CTC1: variants seen among roughly 807,000 people sequenced by gnomAD.
CTC1 encodes the protein CST telomere replication complex component 1.
CTC1 carries 91 observed loss-of-function variants against 136.3 expected under a neutral mutation model. The observed-to-expected ratio is 0.67, with a 90% CI of 0.56 to 0.79. The LOEUF is 0.79. Ranked by LOEUF, CTC1 falls within the 30% of genes least tolerant of loss-of-function variation. CTC1 has a pLI of 0.00. For synonymous variants in CTC1, 606 were observed against 613.8 expected (o/e 0.99, Z 0.19); for missense variants, 1,432 against 1,498.1 (o/e 0.96, Z 0.73).
rs1162411379 is a variant in CTC1, at chr17:8,226,261, A to C, written c.*1919T>G. 3 of 152,324 alleles carry C rather than the reference A, an allele frequency of 2.0e-5. No individual in the cohort carries two copies. The highest frequency in any genetic ancestry group is 2.9e-5 in the Non-Finnish European group (2 of 68,046). 9.4% of individuals were successfully genotyped at this position (152,324 alleles called of 1,614,324 possible). A position where few individuals can be genotyped will look rare whatever the true frequency, so the allele number is the denominator to read the frequency against. On this transcript the variant is annotated 3_prime_UTR_variant, in exon 23 of 23. Transcript: ENST00000651323. ...GGCACCGCTGGGATTCGAACCCAGGATCTCCTGTTTACTAGACAGGCGCTT... is the reference window on the plus strand; with the variant it reads ...GGCACCGCTGGGATTCGAACCCAGGCTCTCCTGTTTACTAGACAGGCGCTT...
intron 4 of CTC1, 121 bp downstream of exon 4, chr17:8,237,910 C>A: frequency 1.3e-6 from 1 of 785,926 alleles, no homozygotes; most frequent in East Asian, 2.6e-5. Context: ...CCCACCATTC[C>A]CTTGATTTGG....
In CTC1 at chr17:8,235,145, C is replaced by T. The variant is rs1294884805; in HGVS notation, c.1347G>A (p.Gly449=). The T allele has an allele frequency of 1.2e-6, 2 of 1,614,102 alleles. No individual in the cohort carries two copies. The highest frequency in any genetic ancestry group is 2.2e-5 in the South Asian group (2 of 91,078). The change falls in exon 8 of 23, where the codon GGG becomes GGA. Residue 449 remains glycine (G), a synonymous_variant. Coordinates refer to ENST00000651323, the MANE Select transcript of CTC1 (RefSeq NM_025099.6). ...PGAHSSRQAY[G]ASLYEQLVWE... ...ACACCAGCTGCTCGTACAGGGAGGC[C>T]CCGTAGGCTTGACGGGATGAGTGAG... is the stretch of plus-strand genomic sequence containing the variant.
rs199698527 is a variant in CTC1, at chr17:8,234,802, G to A, written c.1564C>T (p.Arg522Trp). The A allele has an allele frequency of 1.1e-4, 184 of 1,611,994 alleles. No homozygotes were observed. The highest frequency in any genetic ancestry group is 9.7e-4 in the African/African-American group (73 of 74,948). The change falls in exon 9 of 23, where the codon CGG becomes TGG. Residue 522 changes from arginine (R) to tryptophan (W), a missense_variant. Transcript: ENST00000651323. The part of the protein sequence containing the change: ...DLLAPPGSPV[R>W]NAHNEILEEP... ...TCAAGGATCTCATTGTGTGCATTCC[G>A]AACAGGGCTGCCTGGCGGAGCTAGA... is the stretch of plus-strand genomic sequence containing the variant.
chr17:8,246,171 C>T (rs1028684830), intron 1 of CTC1, among the ~76,000 whole-genome samples: 1 of 135,276 alleles, frequency 7.4e-6, no homozygotes, highest in Non-Finnish European at 1.5e-5. Flanking sequence ...GGTGCCACTG[C>T]ACTCTAGCCT....
At chr17:8,238,797 A>G (rs1191685546) in intron 2 of CTC1, among the ~76,000 whole-genome samples, 168 bp from the exon 3 acceptor site, 2 of 152,214 alleles carry the variant, frequency 1.3e-5, no homozygotes, top group East Asian at 3.8e-4. Context: ...AAGGCCTAAG[A>G]AAATAAGGAT....
Sources: allele counts gnomAD v4.1 joint callset (sites outside exome capture counted in the v4.1 genomes callset), GRCh38; gene constraint gnomAD v4.1.1; transcripts MANE v1.5; gene names NCBI Gene and HGNC (gene_info 2026-07-23, HGNC 2026-07-21).